SLC26A4: variants seen among roughly 807,000 people sequenced by gnomAD.
SLC26A4 encodes solute carrier family 26 member 4.
SLC26A4 carries 93 observed loss-of-function variants against 90.4 expected under a neutral mutation model. The observed-to-expected ratio is 1.03, with a 90% CI of 0.87 to 1.22. SLC26A4 has a LOEUF of 1.22. SLC26A4 is among the 50% of genes most tolerant of loss of function. The pLI, the probability that SLC26A4 is intolerant of heterozygous loss-of-function variation, is 0.00. For synonymous variants in SLC26A4, 393 were observed against 354.6 expected, an observed-to-expected ratio of 1.11 and a Z score of -1.22; for missense variants, 1,127 against 946.2, an observed-to-expected ratio of 1.19 and a Z score of -2.51.
intron 18 of SLC26A4, among the ~76,000 whole-genome samples, chr7:107,706,738 TAA>T (rs758253440): frequency 3.6e-4 from 55 of 151,948 alleles, no homozygotes; most frequent in Non-Finnish European, 7.2e-4. Flanking sequence ...GTATTCTATT[TAA>T]AAGAACAGAT....
chr7:107,717,554 C>T lies in SLC26A4; in HGVS notation c.*2108C>T, dbSNP rs1412524668. 2.0e-5 allele frequency: 3 copies of T among 152,392 alleles called. No individual in the cohort carries two copies. The highest frequency in any genetic ancestry group is 4.4e-5 in the Non-Finnish European group (3 of 67,996). 9.4% of individuals were successfully genotyped at this position (152,392 alleles called of 1,614,324 possible). A position where few individuals can be genotyped will look rare whatever the true frequency, so the allele number is the denominator to read the frequency against. ...TGTGATGACATAAGTCAGCAAACTG[C>T]GGGAATACTGTCTCTTCTATGTATT... is the stretch of plus-strand genomic sequence containing the variant. On this transcript the variant is annotated 3_prime_UTR_variant, in exon 21 of 21. Coordinates refer to ENST00000644269, the MANE Select transcript of SLC26A4 (RefSeq NM_000441.2).
intron 13 of SLC26A4, among the ~76,000 whole-genome samples, chr7:107,697,535 G>A (rs1324429117): frequency 6.6e-6 from 1 of 152,124 alleles, no homozygotes; most frequent in Non-Finnish European, 1.5e-5. Context: ...TGACAGGAAG[G>A]ACTTATTTCT....
intron 1 of SLC26A4, 127 bp downstream of exon 1, chr7:107,660,982 T>G (rs185847289): frequency 6.5e-6 from 1 of 152,942 alleles, no homozygotes; most frequent in East Asian, 1.9e-4. Flanking sequence ...ACAGCTTTCT[T>G]TCTGAGACGC....
At position 107,715,646 on chromosome 7, in the gene SLC26A4, A is replaced by T. The variant is rs112260663; in HGVS notation, c.*200A>T. On this transcript the variant is annotated 3_prime_UTR_variant, in exon 21 of 21. Coordinates refer to ENST00000644269, the MANE Select transcript of SLC26A4 (RefSeq NM_000441.2). Reference sequence around the variant, plus strand: ...GGGCAAAATGGCTAGAATTATTCAGACGATTTGGCAGCGTCCAGGGTAAGC... The same window carrying T: ...GGGCAAAATGGCTAGAATTATTCAGTCGATTTGGCAGCGTCCAGGGTAAGC... The T allele has an allele frequency of 2.8e-3, 1,707 of 609,292 alleles. 9 individuals are homozygous for T. Among genetic ancestry groups the T allele is most frequent in the Non-Finnish European group, 4.5e-3 (1,512 of 338,868 alleles). The allele number at this position is 609,292 out of a possible 1,614,324, so 37.7% of individuals were successfully genotyped here.
rs374032366 is a variant in SLC26A4, at chr7:107,705,326, A to G, written c.2089+941A>G. ...TATGTCTCTGAGTTTTTGTTGTTTCAGAGAGAGACCATTCGATGTCTGACA... is the reference window on the plus strand; with the variant it reads ...TATGTCTCTGAGTTTTTGTTGTTTCGGAGAGAGACCATTCGATGTCTGACA... On this transcript the variant is annotated intron_variant, in intron 18 of 20. Coordinates refer to ENST00000644269, the MANE Select transcript of SLC26A4 (RefSeq NM_000441.2). 1.5e-4 allele frequency among the ~76,000 whole-genome samples: 23 copies of G among 152,250 alleles called. No individual in the cohort carries two copies. The East Asian group carries it at 4.4e-3, about 29-fold the overall frequency.
Position 107,716,294 on chromosome 7 carries a change from A to G in SLC26A4, c.*848A>G, listed in dbSNP as rs1792345100. 6.6e-6 allele frequency: 1 copy of G among 152,218 alleles called. No homozygotes were observed. The highest frequency in any genetic ancestry group is 1.5e-5 in the Non-Finnish European group (1 of 68,034). The allele number at this position is 152,218 out of a possible 1,614,324, so 9.4% of individuals were successfully genotyped here. A position where few individuals can be genotyped will look rare whatever the true frequency, so the allele number is the denominator to read the frequency against. ...TATGATCTGTGTAAAATCTGACATA[A>G]AAACAGTGCTATTCTGAGTGAAAAT... On this transcript the variant is annotated 3_prime_UTR_variant, in exon 21 of 21. Transcript: ENST00000644269.
At chr7:107,675,838 C>T (rs1485421676) in intron 6 of SLC26A4, among the ~76,000 whole-genome samples, 1 of 152,160 alleles carries the variant, frequency 6.6e-6, no homozygotes, top group Admixed American at 6.5e-5. Context: ...TCCCAAAGTG[C>T]TGGGATTACA....
intron 3 of SLC26A4, among the ~76,000 whole-genome samples, chr7:107,665,443 T>C (rs1326103327): frequency 6.6e-6 from 1 of 152,134 alleles, no homozygotes. Flanking sequence ...TTCTACACTG[T>C]GCTCTAAGGG....
At chr7:107,683,176 T>C (rs748682314) in intron 6 of SLC26A4, 26 bp from the exon 7 acceptor site, 5 of 1,580,426 alleles carry the variant, frequency 3.2e-6, no homozygotes, top group African/African-American at 2.7e-5. Flanking sequence ...CAGCAGGAAG[T>C]ATATAAAATT....
At chr7:107,669,141 A>T (rs1263547940) in intron 3 of SLC26A4, among the ~76,000 whole-genome samples, 4 of 152,116 alleles carry the variant, frequency 2.6e-5, no homozygotes, top group African/African-American at 7.2e-5. Context: ...TATTTTTAGT[A>T]GAGACGAGAT....
chr7:107,680,310 T>G (rs1319626578), intron 6 of SLC26A4, among the ~76,000 whole-genome samples: 2 of 138,626 alleles, frequency 1.4e-5, no homozygotes, highest in Non-Finnish European at 3.0e-5. Context: ...AATATAATCT[T>G]ATATTATTAT....
chr7:107,685,894 GCAC>G (rs1222128691), intron 8 of SLC26A4, among the ~76,000 whole-genome samples: 6 of 151,500 alleles, frequency 4.0e-5, no homozygotes, highest in Non-Finnish European at 8.8e-5. Flanking sequence ...GTGTGCTCAC[GCAC>G]GTGTATGTGT....
At position 107,701,869 on chromosome 7, in the gene SLC26A4, G is replaced by T; in HGVS notation, c.1846G>T (p.Glu616Ter). The change falls in exon 17 of 21, where the codon GAG becomes TAG. Residue 616 changes from glutamate (E) to a stop codon, truncating the protein, a stop_gained. Transcript: ENST00000644269. LOFTEE classifies it high-confidence loss of function. ...SDAVSTNNAF[E>*]PDEDIEDLEE... ...TGCTGTTTCAACAAATAATGCTTTTGAGCCTGATGAGGATATTGAAGATCT... is the reference window on the plus strand; with the variant it reads ...TGCTGTTTCAACAAATAATGCTTTTTAGCCTGATGAGGATATTGAAGATCT... The T allele has an allele frequency of 6.2e-7, 1 of 1,613,122 alleles. No homozygotes were observed. The highest frequency in any genetic ancestry group is 8.5e-7 in the Non-Finnish European group (1 of 1,179,106).
intron 16 of SLC26A4, 122 bp from the exon 17 acceptor site, chr7:107,701,704 AT>A: frequency 2.7e-6 from 2 of 731,832 alleles, no homozygotes; most frequent in Non-Finnish European, 2.4e-6. Flanking sequence ...ATCCTTAAAA[AT>A]TCATCTCCTT....
rs1790549015 is a variant in SLC26A4 at position 107,661,524 on chromosome 7, A to T, written c.-3-115A>T. 8.5e-7 allele frequency: 1 copy of T among 1,177,806 alleles called. No homozygotes were observed. The highest frequency in any genetic ancestry group is 1.2e-6 in the Non-Finnish European group (1 of 825,196). The allele number at this position is 1,177,806 out of a possible 1,614,324, so 73.0% of individuals were successfully genotyped here. A position where few individuals can be genotyped will look rare whatever the true frequency, so the allele number is the denominator to read the frequency against. The stretch of plus-strand genomic sequence containing the variant: ...AGGACGCGGACCAGACTCGCGGTGC[A>T]GGGGGGCCTGGCTGCAGCTAACAGG... On this transcript the variant is annotated intron_variant, in intron 1 of 20. Transcript: ENST00000644269. This position sits in a 1 kb window ranked among gnomAD's most constrained non-coding sequence, Gnocchi z 5.1.
chr7:107,700,043 T>A, intron 14 of SLC26A4, 40 bp from the exon 15 acceptor site: 1 of 1,161,056 alleles, frequency 8.6e-7, no homozygotes. Context: ...TACTTGAGGC[T>A]TGAAATTATT....
chr7:107,672,050 A>T, intron 3 of SLC26A4, 88 bp from the exon 4 acceptor site: 2 of 820,922 alleles, frequency 2.4e-6, no homozygotes, highest in Non-Finnish European at 2.2e-6. Context: ...ATAAAGGCAA[A>T]GTCATAAGTG....
chr7:107,688,796 GT>G (rs1164161209), intron 8 of SLC26A4, among the ~76,000 whole-genome samples: 1 of 152,238 alleles, frequency 6.6e-6, no homozygotes, highest in African/African-American at 2.4e-5. Context: ...ATTTATTCAT[GT>G]GAGAGATAGA....
intron 8 of SLC26A4, among the ~76,000 whole-genome samples, chr7:107,683,833 A>G (rs962191623): frequency 6.6e-6 from 1 of 152,208 alleles, no homozygotes; most frequent in Non-Finnish European, 1.5e-5. Flanking sequence ...ACATTATAAT[A>G]TAATATAAAT....
Sources: allele counts gnomAD v4.1 joint callset (sites outside exome capture counted in the v4.1 genomes callset), GRCh38; gene constraint gnomAD v4.1.1; non-coding constraint Gnocchi (gnomAD v3.1); transcripts MANE v1.5; gene names NCBI Gene and HGNC (gene_info 2026-07-23, HGNC 2026-07-21).